The following ITGAE variants were observed in gnomAD, a reference collection of about 807,000 sequenced individuals.
The protein encoded by ITGAE is integrin subunit alpha E.
ITGAE carries 99 observed loss-of-function variants against 136.5 expected under a neutral mutation model. The ratio of observed to expected loss-of-function variants is 0.73; its 90% CI spans 0.62 to 0.86. ITGAE has a LOEUF of 0.86. Among genes scored for constraint, ITGAE ranks in the 40% least tolerant of loss-of-function variants. The pLI is 0.00. For synonymous variants in ITGAE, 613 were observed against 591.8 expected, an observed-to-expected ratio of 1.04 and a Z score of -0.52; for missense variants, 1,447 against 1,515.3, an observed-to-expected ratio of 0.95 and a Z score of 0.75.
chr17:3,771,245 C>T (rs11649973), intron 2 of ITGAE, among the ~76,000 whole-genome samples: 1 of 152,062 alleles, frequency 6.6e-6, no homozygotes, highest in Admixed American at 6.6e-5. Context: ...TGGGGCAACA[C>T]GATGGATGAA....
chr17:3,723,794 T>A (rs764789312), intron 26 of ITGAE, 50 bp from the exon 27 acceptor site: 1 of 1,596,860 alleles, frequency 6.3e-7, no homozygotes, highest in Non-Finnish European at 8.5e-7. Context: ...AAGCCGCCAG[T>A]TTTCCGTCCC....
At chr17:3,735,283 T>C (rs535491343) in intron 20 of ITGAE, among the ~76,000 whole-genome samples, 84 of 152,366 alleles carry the variant, frequency 5.5e-4, no homozygotes, top group South Asian at 1.4e-3. Context: ...TTCTCCCGTC[T>C]CAGCCTCCTG....
At position 3,729,519 on chromosome 17, in the gene ITGAE, G is replaced by A. The variant is rs117671372; in HGVS notation, c.2871C>T (p.His957=). The A allele has an allele frequency of 2.1e-3, 3,359 of 1,611,514 alleles. 6 individuals carry two copies. Among genetic ancestry groups the A allele is most frequent in the Non-Finnish European group, 2.6e-3 (3,014 of 1,177,554 alleles). The change falls in exon 24 of 31, where the codon CAC becomes CAT. Residue 957 remains histidine (H), a synonymous_variant. Coordinates refer to ENST00000263087, the MANE Select transcript of ITGAE (RefSeq NM_002208.5). ...CGAAGCCATGCCTGAATTGAAGGGT[G>A]TGGGTCTCGTTGGCCAAAGACCGTC... ...NERRSLANET[H]TLQFRHGFVA...
chr17:3,718,843 T>C (rs2472021), intron 29 of ITGAE, among the ~76,000 whole-genome samples: 20,780 of 152,210 alleles, frequency 0.14, 4,741 homozygotes, highest in African/African-American at 0.47. Flanking sequence ...CTTGCTATTA[T>C]TTTTATTTGT....
At chr17:3,726,734 T>TA (rs767265028) in intron 26 of ITGAE, 81 of 154,992 alleles carry the variant, frequency 5.2e-4, no homozygotes, top group Middle Eastern at 3.3e-3. Flanking sequence ...TTTTTTTTTT[T>TA]AATTTTATTG....
At chr17:3,741,503 G>A (rs573972033) in intron 19 of ITGAE, among the ~76,000 whole-genome samples, 74 of 152,238 alleles carry the variant, frequency 4.9e-4, no homozygotes, top group African/African-American at 1.7e-3. Context: ...TGGTAACACC[G>A]ATGTGCCTAA....
intron 30 of ITGAE, among the ~76,000 whole-genome samples, chr17:3,716,120 G>A (rs986187178): frequency 3.3e-5 from 5 of 151,428 alleles, no homozygotes; most frequent in African/African-American, 1.2e-4. Flanking sequence ...GCAGTGAGCC[G>A]AGATCGCACC....
rs1277554832 is a variant in ITGAE at position 3,714,648 on chromosome 17, T to G, written c.*199A>C. The G allele has an allele frequency of 4.5e-6, 2 of 442,684 alleles. No homozygotes were observed. The highest frequency in any genetic ancestry group is 4.0e-6 in the Non-Finnish European group (1 of 252,364). The allele number at this position is 442,684 out of a possible 1,614,324, so 27.4% of individuals were successfully genotyped here. On this transcript the variant is annotated 3_prime_UTR_variant, in exon 31 of 31. Transcript: ENST00000263087. ...ACTACTGCAAAGAAAAGTGTAAATT[T>G]ATTTAATACCAAATGTTTCCTAAGT...
chr17:3,765,298 G>A (rs554618838), intron 2 of ITGAE, among the ~76,000 whole-genome samples: 8 of 131,216 alleles, frequency 6.1e-5, no homozygotes, highest in Admixed American at 5.6e-4. Context: ...GCAGTGAGCC[G>A]AGATCACGCC....
At chr17:3,795,888 C>T (rs1301247629) in intron 1 of ITGAE, among the ~76,000 whole-genome samples, 1 of 127,370 alleles carries the variant, frequency 7.9e-6, no homozygotes, top group African/African-American at 3.1e-5. Flanking sequence ...CGTGTGCATC[C>T]GTGTGTGTGC....
intron 7 of ITGAE, 26 bp from the exon 8 acceptor site, chr17:3,759,579 G>A (rs767431199): frequency 5.0e-6 from 8 of 1,595,780 alleles, no homozygotes; most frequent in South Asian, 1.1e-5. Context: ...AGGAGGGCAG[G>A]AGGTTGGAAG....
intron 23 of ITGAE, chr17:3,729,775 A>G: frequency 4.5e-6 from 2 of 440,278 alleles, no homozygotes; most frequent in Non-Finnish European, 4.3e-6. Context: ...TTGTATTTTT[A>G]GTAGAGATGG....
intron 16 of ITGAE, among the ~76,000 whole-genome samples, chr17:3,748,460 G>A (rs921210372): frequency 6.6e-6 from 1 of 152,050 alleles, no homozygotes; most frequent in Non-Finnish European, 1.5e-5. Flanking sequence ...GGTGGCGGGC[G>A]CCTGTAATCC....
rs1208333239 is a variant in ITGAE at position 3,760,430 on chromosome 17, C to CTTTTTT, written c.599-149_599-144dup. On this transcript the variant is annotated intron_variant, in intron 6 of 30. Transcript: ENST00000263087. The stretch of plus-strand genomic sequence containing the variant: ...GTTGGAGAAGCTCCCAAGAGGGAAG[C>CTTTTTT]TTTTTTTTTTTTTTTTTTTTTTTTT... 90 of 64,214 alleles carry CTTTTTT rather than the reference C, an allele frequency of 1.4e-3. 20 individuals carry two copies. Among genetic ancestry groups the CTTTTTT allele is most frequent in the African/African-American group, 1.6e-3 (21 of 12,790 alleles). 4.0% of individuals were successfully genotyped at this position (64,214 alleles called of 1,614,324 possible).
chr17:3,725,844 G>A (rs2051197241), intron 26 of ITGAE: 5 of 1,611,498 alleles, frequency 3.1e-6, no homozygotes, highest in African/African-American at 1.3e-5. Flanking sequence ...AGCCTCCCTC[G>A]CAGTGGCAGA....
At chr17:3,725,903 C>T (rs775453307) in intron 26 of ITGAE, 1 of 1,613,006 alleles carries the variant, frequency 6.2e-7, no homozygotes, top group Admixed American at 1.7e-5. Context: ...GGAACGTGCT[C>T]TTAAAGAAAA....
intron 12 of ITGAE, chr17:3,754,654 C>A: frequency 4.9e-6 from 1 of 205,652 alleles, no homozygotes; most frequent in Non-Finnish European, 1.0e-5. Context: ...AGTACTCAGC[C>A]TCACGGTCCC....
chr17:3,752,152 C>A (rs11657621), intron 14 of ITGAE, among the ~76,000 whole-genome samples: 13,882 of 152,200 alleles, frequency 0.091, 693 homozygotes, highest in East Asian at 0.16. Flanking sequence ...TGGCCAGGGA[C>A]CTTCCCAAGG....
At chr17:3,722,284 C>G (rs969618842) in intron 28 of ITGAE, 9 of 152,034 alleles carry the variant, frequency 5.9e-5, no homozygotes, top group Non-Finnish European at 1.3e-4. Context: ...AGTTCGAGAC[C>G]AGCCTGGCCA....
Sources: gnomAD v4.1 joint callset for allele counts (sites outside exome capture counted in the v4.1 genomes callset) on GRCh38, gnomAD v4.1.1 for gene constraint, MANE v1.5 for transcripts, NCBI Gene and HGNC (gene_info 2026-07-23, HGNC 2026-07-21) for gene names.